Variants in IGSF11 observed in about 807,000 individuals in gnomAD.
IGSF11 encodes the protein immunoglobulin superfamily member 11.
In IGSF11, 22 loss-of-function variants were observed where a neutral mutation model predicts 41.0. That is an observed-to-expected ratio of 0.54 (90% CI 0.38 to 0.77). IGSF11 has a LOEUF of 0.77. Ranked by LOEUF, IGSF11 falls within the 30% of genes least tolerant of loss-of-function variation. The probability of loss-of-function intolerance (pLI) is 0.00; values close to 1 mark genes in which losing one functional copy is unlikely to be tolerated. For synonymous variants in IGSF11, 219 were observed against 201.3 expected, an observed-to-expected ratio of 1.09 and a Z score of -0.74; for missense variants, 444 against 530.8, an observed-to-expected ratio of 0.84 and a Z score of 1.61.
At chr3:119,108,595 G>A (rs1171825031), upstream of IGSF11, among the ~76,000 whole-genome samples, 1 of 132,482 alleles carries the variant, frequency 7.5e-6, no homozygotes, top group Non-Finnish European at 1.6e-5. Context: ...TCTCCTGCCT[G>A]ATTGCCCTGG....
intron 1 of IGSF11, among the ~76,000 whole-genome samples, chr3:119,054,013 A>T (rs994950166): frequency 6.6e-6 from 1 of 152,214 alleles, no homozygotes; most frequent in Non-Finnish European, 1.5e-5. Flanking sequence ...TACAAAAATC[A>T]ACTCAAGATG....
intron 1 of IGSF11, among the ~76,000 whole-genome samples, chr3:118,967,993 G>A (rs960115541): frequency 6.6e-5 from 10 of 152,112 alleles, no homozygotes; most frequent in African/African-American, 2.4e-4. Flanking sequence ...GAGAGAGAGA[G>A]AATTTTTGAG....
At chr3:118,913,771 C>T (rs569055174) in intron 4 of IGSF11, among the ~76,000 whole-genome samples, 2 of 152,024 alleles carry the variant, frequency 1.3e-5, no homozygotes, top group African/African-American at 4.8e-5. Flanking sequence ...GTAATGTATA[C>T]GTAAACGATG....
intron 1 of IGSF11, among the ~76,000 whole-genome samples, chr3:118,967,093 T>A (rs894360370): frequency 2.0e-5 from 3 of 152,076 alleles, no homozygotes; most frequent in Non-Finnish European, 4.4e-5. Context: ...TATTCTCAAG[T>A]GAGATAAGCT....
rs183351203 is a variant in IGSF11 at position 118,993,212 on chromosome 3, A to C, written c.52+41319T>G. ...CACTGCACTCCAGCCTGGGCAACAG[A>C]GCAAGATCCCAATGAAGTAAGTAAA... On this transcript the variant is annotated intron_variant, in intron 1 of 6. Coordinates refer to ENST00000393775, the MANE Select transcript of IGSF11 (RefSeq NM_001015887.3). 2.2e-3 allele frequency among the ~76,000 whole-genome samples: 337 copies of C among 152,326 alleles called. 1 individual carries two copies. The highest frequency in any genetic ancestry group is 3.9e-3 in the Non-Finnish European group (264 of 68,022).
intron 1 of IGSF11, among the ~76,000 whole-genome samples, chr3:119,004,110 G>C (rs940430665): frequency 3.3e-5 from 5 of 149,300 alleles, no homozygotes; most frequent in Non-Finnish European, 4.5e-5. Flanking sequence ...TTTTTGGTTG[G>C]TAAACTATTG....
chr3:118,995,678 A>G (rs1227451427), intron 1 of IGSF11, among the ~76,000 whole-genome samples: 1 of 152,048 alleles, frequency 6.6e-6, no homozygotes, highest in Non-Finnish European at 1.5e-5. Flanking sequence ...TTTGAGACAG[A>G]GTCTCGCTCT....
intron 1 of IGSF11, among the ~76,000 whole-genome samples, chr3:119,136,487 C>T (rs769615834): frequency 1.3e-5 from 2 of 151,986 alleles, no homozygotes; most frequent in Non-Finnish European, 2.9e-5. Flanking sequence ...AAAGGATATT[C>T]CATGTCTATG....
chr3:118,977,366 T>C (rs1397984694), intron 1 of IGSF11, among the ~76,000 whole-genome samples: 4 of 152,190 alleles, frequency 2.6e-5, no homozygotes, highest in Non-Finnish European at 4.4e-5. Flanking sequence ...CCCCACACTA[T>C]ATCTGGAACC....
Position 118,924,563 on chromosome 3 carries a change from C to T in IGSF11, c.580+1538G>A, listed in dbSNP as rs372793487. Among the ~76,000 whole-genome samples, 31 of 152,004 alleles carry T rather than the reference C, an allele frequency of 2.0e-4. No homozygotes were observed. The South Asian group carries it at 5.8e-3, about 29-fold the overall frequency. ...TTTTATAGAAGACAAAGTTTTCATC[C>T]GTCTCATTCAAGTTCACTTTTATAC... On this transcript the variant is annotated intron_variant, in intron 4 of 6. Coordinates refer to ENST00000393775, the MANE Select transcript of IGSF11 (RefSeq NM_001015887.3).
intron 1 of IGSF11, among the ~76,000 whole-genome samples, chr3:119,051,124 T>A (rs1165263239): frequency 6.6e-6 from 1 of 151,420 alleles, no homozygotes; most frequent in African/African-American, 2.4e-5. Context: ...TGTGCACATG[T>A]ACCCTAAAAC....
upstream of IGSF11, among the ~76,000 whole-genome samples, chr3:119,106,950 G>C (rs2077040704): frequency 6.6e-6 from 1 of 152,158 alleles, no homozygotes; most frequent in Admixed American, 6.5e-5. Flanking sequence ...GTATTCTATG[G>C]TGTATATGGT....
intron 1 of IGSF11, among the ~76,000 whole-genome samples, chr3:119,023,066 A>G (rs1488655192): frequency 6.6e-6 from 1 of 152,074 alleles, no homozygotes; most frequent in African/African-American, 2.4e-5. Context: ...GTATGAGACC[A>G]GCCTGGCCAA....
At chr3:119,058,550 G>T (rs975404278) in intron 1 of IGSF11, among the ~76,000 whole-genome samples, 22 of 152,312 alleles carry the variant, frequency 1.4e-4, no homozygotes, top group South Asian at 6.2e-4. Flanking sequence ...TTCAACCATT[G>T]TGGAAGTCAG....
At chr3:118,979,334 A>T (rs896169031) in intron 1 of IGSF11, among the ~76,000 whole-genome samples, 1 of 152,314 alleles carries the variant, frequency 6.6e-6, no homozygotes, top group African/African-American at 2.4e-5. Context: ...TAGAAAAACT[A>T]TTTAATAAAA....
chr3:118,985,709 C>T (rs1935186813), intron 1 of IGSF11, among the ~76,000 whole-genome samples: 1 of 152,264 alleles, frequency 6.6e-6, no homozygotes, highest in South Asian at 2.1e-4. Flanking sequence ...ATTTTACCTC[C>T]TAAATTGGTC....
intron 4 of IGSF11, among the ~76,000 whole-genome samples, chr3:118,910,868 T>C (rs1011729305): frequency 3.3e-5 from 5 of 152,196 alleles, no homozygotes; most frequent in Non-Finnish European, 7.3e-5. Flanking sequence ...CTTTTCCTGC[T>C]TGGGAATCCT....
chr3:118,956,629 T>C (rs1226694415), intron 1 of IGSF11, among the ~76,000 whole-genome samples: 1 of 152,146 alleles, frequency 6.6e-6, no homozygotes, highest in Non-Finnish European at 1.5e-5. Flanking sequence ...TGCCATCTTA[T>C]ATGGCTGTTT....
chr3:119,097,323 T>C (rs2076868799), intron 1 of IGSF11, among the ~76,000 whole-genome samples: 1 of 152,168 alleles, frequency 6.6e-6, no homozygotes. Flanking sequence ...GTAACTATAA[T>C]TATGGCATCT....
Sources: gnomAD v4.1 joint callset for allele counts (sites outside exome capture counted in the v4.1 genomes callset) on GRCh38, gnomAD v4.1.1 for gene constraint, MANE v1.5 for transcripts, NCBI Gene and HGNC (gene_info 2026-07-23, HGNC 2026-07-21) for gene names.